The following HIVEP2 variants were observed in gnomAD, a reference collection of about 807,000 sequenced individuals.
HIVEP2 encodes transcription factor HIVEP2.
HIVEP2 carries 14 observed loss-of-function variants against 180.7 expected under a neutral mutation model. The ratio of observed to expected loss-of-function variants is 0.08; its 90% confidence interval spans 0.05 to 0.12. The LOEUF is 0.12. Among genes scored for constraint, HIVEP2 ranks in the 10% least tolerant of loss-of-function variants. The pLI is 1.00. For synonymous variants in HIVEP2, 1,184 were observed against 1,136.4 expected (o/e 1.04, Z -0.84); for missense variants, 2,579 against 3,008.5 (o/e 0.86, Z 3.34).
Position 142,760,042 on chromosome 6 carries a change from C to T in HIVEP2, c.6246G>A (p.Leu2082=). 6.2e-7 allele frequency: 1 copy of T among 1,614,090 alleles called. No individual in the cohort carries two copies. The highest frequency in any genetic ancestry group is 8.5e-7 in the Non-Finnish European group (1 of 1,180,002). The change falls in exon 9 of 10, where the codon CTG becomes CTA. Residue 2082 remains leucine, a synonymous_variant. Transcript: ENST00000367603. ...PRRHLSPRRD[L]SPMRHLSPRK... ...TTGGTGAAAGATGTCTCATGGGTGA[C>T]AGATCTCTCCTAGGTGATAAATGTC...
chr6:142,764,559 C>T (rs1775333081), intron 7 of HIVEP2, among the ~76,000 whole-genome samples: 1 of 152,214 alleles, frequency 6.6e-6, no homozygotes, highest in African/African-American at 2.4e-5. Context: ...GTAGCCACTT[C>T]CTTTGGAGAC....
intron 3 of HIVEP2, among the ~76,000 whole-genome samples, chr6:142,780,509 A>G (rs1775830585): frequency 6.6e-6 from 1 of 152,162 alleles, no homozygotes; most frequent in African/African-American, 2.4e-5. Context: ...CTCTTCTTGG[A>G]GTTTCTGAGA....
intron 1 of HIVEP2, among the ~76,000 whole-genome samples, chr6:142,857,974 T>C (rs1775869160): frequency 6.6e-6 from 1 of 152,148 alleles, no homozygotes. Flanking sequence ...GGCTTCCTGA[T>C]GGCCCAGCTA....
chr6:142,790,133 A>C (rs1776102795), intron 2 of HIVEP2, among the ~76,000 whole-genome samples: 2 of 152,178 alleles, frequency 1.3e-5, no homozygotes, highest in Non-Finnish European at 2.9e-5. Context: ...TCCTAAAAGC[A>C]AAGATAGCTC....
At chr6:142,810,109 G>A (rs1776653922) in intron 2 of HIVEP2, among the ~76,000 whole-genome samples, 1 of 152,096 alleles carries the variant, frequency 6.6e-6, no homozygotes. Flanking sequence ...ATCGTCCATA[G>A]GGATAACAAC....
At chr6:142,928,823 C>A (rs1487801085) in intron 1 of HIVEP2, among the ~76,000 whole-genome samples, 1 of 152,188 alleles carries the variant, frequency 6.6e-6, no homozygotes, top group Non-Finnish European at 1.5e-5. Flanking sequence ...TTTTCAAACT[C>A]CTTATTCCTA....
intron 2 of HIVEP2, among the ~76,000 whole-genome samples, chr6:142,784,301 A>AT (rs1023644787): frequency 3.9e-5 from 6 of 152,270 alleles, no homozygotes; most frequent in Admixed American, 2.0e-4. Context: ...TATATTTGTT[A>AT]TTTTTTTAAA....
At position 142,830,188 on chromosome 6, in the gene HIVEP2, CT is replaced by C. The variant is rs201279276; in HGVS notation, c.-528+6746del. Among the ~76,000 whole-genome samples the C allele has an allele frequency of 4.5e-4, 68 of 151,276 alleles. 1 individual carries two copies. Among genetic ancestry groups the C allele is most frequent in the Admixed American group, 1.9e-3 (29 of 15,208 alleles). On this transcript the variant is annotated intron_variant, in intron 2 of 9. Coordinates refer to ENST00000367603, the MANE Select transcript of HIVEP2 (RefSeq NM_006734.4). ...TAACTTTAGATACAAATGCCTAGTACTTTTTTTTTAAAGCTCAATTAAAAAT... is the reference window on the plus strand; with the variant it reads ...TAACTTTAGATACAAATGCCTAGTACTTTTTTTTAAAGCTCAATTAAAAAT...
intron 1 of HIVEP2, among the ~76,000 whole-genome samples, chr6:142,941,832 T>C (rs1778186159): frequency 6.6e-6 from 1 of 152,224 alleles, no homozygotes; most frequent in African/African-American, 2.4e-5. Flanking sequence ...AAGCATATCA[T>C]TGAAATTTTC....
chr6:142,807,030 C>T (rs1776570932), intron 2 of HIVEP2, among the ~76,000 whole-genome samples: 1 of 152,084 alleles, frequency 6.6e-6, no homozygotes, highest in Non-Finnish European at 1.5e-5. Context: ...AAGGATGACT[C>T]AACAGGGGAT....
Position 142,771,801 on chromosome 6 carries a change from A to C in HIVEP2, c.2938T>G (p.Ser980Ala). The C allele has an allele frequency of 6.2e-7, 1 of 1,614,214 alleles. No individual in the cohort carries two copies. Among genetic ancestry groups the C allele is most frequent in the Non-Finnish European group, 8.5e-7 (1 of 1,180,044 alleles). ...ESNLSHSSSFSMSFEREETSK... is the reference protein window; with the variant it reads ...ESNLSHSSSFAMSFEREETSK... ...GTTTCTTCTCTTTCAAAAGACATGG[A>C]GAAACTGGAGCTGTGGGACAAGTTG... The change falls in exon 5 of 10, where the codon TCC (serine) becomes GCC (alanine). Residue 980 changes from serine to alanine, a missense_variant. Physicochemically the swap from Ser to Ala is moderately conservative, Grantham distance 99 (BLOSUM62 1). Transcript: ENST00000367603. The surrounding 1 kb of genome is among the most constrained non-coding windows in gnomAD (Gnocchi z 5.4).
Position 142,774,407 on chromosome 6 carries a change from T to C in HIVEP2, c.332A>G (p.His111Arg). 2 of 1,614,174 alleles carry C rather than the reference T, an allele frequency of 1.2e-6. No individual in the cohort carries two copies. The highest frequency in any genetic ancestry group is 1.7e-6 in the Non-Finnish European group (2 of 1,180,034). ...GAGGCTCTGATGTGGCTTGGTGCTG[T>C]GCATGACCCCCTGTGGCAATGAGTG... ...PQHSLPQGVM[H>R]STKPHQSLEG... The change falls in exon 5 of 10, where the codon CAC (histidine) becomes CGC (arginine). Residue 111 changes from histidine to arginine, a missense_variant. Physicochemically the swap from His to Arg is conservative, Grantham distance 29. This residue lies in a region of HIVEP2 where 207 missense variants were observed against 210.1 expected (regional missense o/e 0.99). Coordinates refer to ENST00000367603, the MANE Select transcript of HIVEP2 (RefSeq NM_006734.4). This position sits in a 1 kb window ranked among gnomAD's most constrained non-coding sequence, Gnocchi z 5.1.
chr6:142,753,908 C>A lies in HIVEP2; in HGVS notation c.6540G>T (p.Gln2180His). Residue 2180 changes from glutamine to histidine, a missense_variant, in exon 10 of 10, where the codon CAG (glutamine) becomes CAT (histidine). Gln to His is a conservative substitution (Grantham distance 24). Around this residue, in one of 11 missense-constraint regions of HIVEP2, gnomAD observed 660 missense variants for 731.7 expected, o/e 0.90. Coordinates refer to ENST00000367603, the MANE Select transcript of HIVEP2 (RefSeq NM_006734.4). ...GPPNLRRGLPQVPYFSLYGDQ... is the reference protein window; with the variant it reads ...GPPNLRRGLPHVPYFSLYGDQ... ...CTCCATAGAGACTGAAGTAAGGAAC[C>A]TGAGGTAATCCTCTTCTTAAATTCT... is the stretch of plus-strand genomic sequence containing the variant. 1 of 1,599,164 alleles carries A rather than the reference C, an allele frequency of 6.3e-7. No homozygotes were observed. Among genetic ancestry groups the A allele is most frequent in the Non-Finnish European group, 8.5e-7 (1 of 1,170,036 alleles).
rs778960709 is a variant in HIVEP2, at chr6:142,771,739, A to G, written c.3000T>C (p.Phe1000=). Residue 1000 remains phenylalanine (F), a synonymous_variant, in exon 5 of 10, where the codon TTT becomes TTC. Transcript: ENST00000367603. This position sits in a 1 kb window ranked among gnomAD's most constrained non-coding sequence, Gnocchi z 5.4. ...KLSALPKQDE[F]GKHSEFLTVP... is the part of the protein sequence containing the mutation. ...CAGTCAGAAACTCTGAATGCTTCCC[A>G]AACTCATCCTGCTTAGGAAGTGCAG... 1 of 1,614,226 alleles carries G rather than the reference A, an allele frequency of 6.2e-7. No homozygotes were observed. Among genetic ancestry groups the G allele is most frequent in the South Asian group, 1.1e-5 (1 of 91,080 alleles).
intron 2 of HIVEP2, among the ~76,000 whole-genome samples, chr6:142,803,566 TACACACAC>T (rs10688831): frequency 7.1e-6 from 1 of 141,640 alleles, no homozygotes; most frequent in Non-Finnish European, 1.5e-5. Flanking sequence ...ATATATAGCA[TACACACAC>T]ACACACACAC....
At chr6:142,795,244 T>C (rs1776253620) in intron 2 of HIVEP2, among the ~76,000 whole-genome samples, 1 of 152,188 alleles carries the variant, frequency 6.6e-6, no homozygotes, top group Admixed American at 6.5e-5. Context: ...TCTGCAGGCC[T>C]GTGAATGGTC....
intron 2 of HIVEP2, among the ~76,000 whole-genome samples, chr6:142,789,267 T>C (rs918057629): frequency 6.6e-6 from 1 of 152,244 alleles, no homozygotes; most frequent in East Asian, 1.9e-4. Flanking sequence ...GATCATATAG[T>C]GTTCTCCAGT....
At chr6:142,824,416 T>A (rs1774809683) in intron 2 of HIVEP2, among the ~76,000 whole-genome samples, 1 of 152,218 alleles carries the variant, frequency 6.6e-6, no homozygotes, top group South Asian at 2.1e-4. Context: ...ATGAAATCCC[T>A]GCAACTTCAT....
intron 3 of HIVEP2, among the ~76,000 whole-genome samples, chr6:142,777,896 A>T (rs1775745993): frequency 1.3e-5 from 2 of 152,170 alleles, no homozygotes; most frequent in Admixed American, 6.5e-5. Context: ...TCTTACTTCC[A>T]TGGGCAATTT....
Sources: gnomAD v4.1 joint callset for allele counts (sites outside exome capture counted in the v4.1 genomes callset) on GRCh38, gnomAD v4.1.1 for gene constraint, gnomAD v4.1.1 regional missense constraint, Gnocchi (gnomAD v3.1) non-coding constraint, MANE v1.5 for transcripts, NCBI Gene and HGNC (gene_info 2026-07-23, HGNC 2026-07-21) for gene names.